CDH20: variants seen among roughly 807,000 people sequenced by gnomAD.
CDH20 encodes cadherin 20.
In CDH20, 29 loss-of-function variants were observed where a neutral mutation model predicts 74.2. That is an observed-to-expected ratio of 0.39 (90% CI 0.29 to 0.53). CDH20 has a LOEUF of 0.53. Among genes scored for constraint, CDH20 ranks in the 20% least tolerant of loss-of-function variants. CDH20 has a pLI of 0.69. For synonymous variants in CDH20, 469 were observed against 405.4 expected (o/e 1.16, Z -1.88); for missense variants, 988 against 1,048.3 (o/e 0.94, Z 0.79).
chr18:61,426,535 CTAAG>C (rs528386672), intron 1 of CDH20, among the ~76,000 whole-genome samples: 125 of 152,256 alleles, frequency 8.2e-4, no homozygotes, highest in African/African-American at 2.8e-3. Flanking sequence ...CCAACAAAAC[CTAAG>C]TAAGGCTCCC....
chr18:61,364,674 C>T (rs200066366), intron 1 of CDH20, among the ~76,000 whole-genome samples: 12 of 152,182 alleles, frequency 7.9e-5, no homozygotes, highest in African/African-American at 2.7e-4. Flanking sequence ...ACCCCTTCCC[C>T]ACCACCTGCT....
intron 1 of CDH20, among the ~76,000 whole-genome samples, chr18:61,354,103 T>A (rs1343069269): frequency 6.6e-6 from 1 of 151,930 alleles, no homozygotes; most frequent in African/African-American, 2.4e-5. Context: ...CTCCATCTCA[T>A]GAGCCACATT....
chr18:61,374,751 G>C (rs1289682588), intron 1 of CDH20, among the ~76,000 whole-genome samples: 1 of 151,998 alleles, frequency 6.6e-6, no homozygotes, highest in East Asian at 1.9e-4. Context: ...TGCAGTTTCA[G>C]ATACAGGTCA....
chr18:61,517,084 T>C (rs139376136), intron 6 of CDH20, among the ~76,000 whole-genome samples: 1 of 152,290 alleles, frequency 6.6e-6, no homozygotes, highest in African/African-American at 2.4e-5. Context: ...ACCTCAATTA[T>C]ACCCCCACAA....
At chr18:61,434,004 G>A (rs1908744367) in intron 1 of CDH20, among the ~76,000 whole-genome samples, 3 of 152,180 alleles carry the variant, frequency 2.0e-5, no homozygotes, top group South Asian at 4.1e-4. Flanking sequence ...GGTCTGGGAT[G>A]GCTGGTATTT....
At chr18:61,344,616 T>A (rs1910057095) in intron 1 of CDH20, among the ~76,000 whole-genome samples, 1 of 152,214 alleles carries the variant, frequency 6.6e-6, no homozygotes, top group South Asian at 2.1e-4. Context: ...TTAACCATGA[T>A]ATCACTTCCT....
intron 1 of CDH20, among the ~76,000 whole-genome samples, chr18:61,359,752 G>A (rs1910626807): frequency 6.6e-6 from 1 of 152,148 alleles, no homozygotes; most frequent in African/African-American, 2.4e-5. Flanking sequence ...GTTCCTTATA[G>A]GTGACCCAAA....
rs1020625077 is a variant in CDH20, at chr18:61,353,946, G to A, written c.-153+20119G>A. Among the ~76,000 whole-genome samples the A allele has an allele frequency of 4.0e-5, 6 of 151,798 alleles. No homozygotes were observed. Among genetic ancestry groups the A allele is most frequent in the Admixed American group, 3.9e-4 (6 of 15,226 alleles). On this transcript the variant is annotated intron_variant, in intron 1 of 11. Coordinates refer to ENST00000262717, the MANE Select transcript of CDH20 (RefSeq NM_031891.4). The surrounding 1 kb of genome is among the most constrained non-coding windows in gnomAD (Gnocchi z 4.6). ...AAAATACAAAATATTAGTTGGGCAT[G>A]GTGGCGTGCACCTGTGGTCCCAGCT...
At chr18:61,456,519 GATAAT>G (rs924950695) in intron 1 of CDH20, among the ~76,000 whole-genome samples, 78 of 152,176 alleles carry the variant, frequency 5.1e-4, no homozygotes, top group African/African-American at 1.8e-3. Context: ...TGGTTAAACA[GATAAT>G]ATAATTACAT....
rs1913378993 is a variant in CDH20, at chr18:61,550,072, G to A, written c.1743G>A (p.Gln581=). ...HLPILIADSG[Q]PVLSSTGTLT... is the part of the protein sequence containing the mutation. ...CTATCCTGATAGCAGATAGCGGGCA[G>A]CCCGTGCTGAGCAGCACAGGCACAC... is the stretch of plus-strand genomic sequence containing the variant. The change falls in exon 11 of 12, where the codon CAG becomes CAA. Residue 581 remains glutamine (Q), a synonymous_variant. Coordinates refer to ENST00000262717, the MANE Select transcript of CDH20 (RefSeq NM_031891.4). 1 of 1,614,220 alleles carries A rather than the reference G, an allele frequency of 6.2e-7. No individual in the cohort carries two copies. Among genetic ancestry groups the A allele is most frequent in the Middle Eastern group, 1.6e-4 (1 of 6,062 alleles).
chr18:61,483,581 T>C (rs78771280), intron 1 of CDH20, among the ~76,000 whole-genome samples: 3,855 of 152,326 alleles, frequency 0.025, 186 homozygotes, highest in East Asian at 0.13. Context: ...TTAATAATGG[T>C]ATGTATACCT....
chr18:61,408,935 A>G (rs1468938288), intron 1 of CDH20, among the ~76,000 whole-genome samples: 7 of 152,350 alleles, frequency 4.6e-5, no homozygotes, highest in African/African-American at 1.4e-4. Context: ...ATGACAGACC[A>G]GACCTTTTTA....
At chr18:61,460,416 G>A (rs546425610) in intron 1 of CDH20, among the ~76,000 whole-genome samples, 1 of 152,140 alleles carries the variant, frequency 6.6e-6, no homozygotes, top group Non-Finnish European at 1.5e-5. Flanking sequence ...TGACAAAAAA[G>A]TAAGAAGCTG....
intron 1 of CDH20, among the ~76,000 whole-genome samples, chr18:61,457,358 G>C (rs539046588): frequency 6.6e-6 from 1 of 152,192 alleles, no homozygotes; most frequent in Admixed American, 6.5e-5. Context: ...CAAAGTGCTT[G>C]TTGTACTATC....
chr18:61,461,219 GA>G (rs1352818629), intron 1 of CDH20, among the ~76,000 whole-genome samples: 1 of 149,030 alleles, frequency 6.7e-6, no homozygotes, highest in Non-Finnish European at 1.5e-5. Context: ...TAAAACTACA[GA>G]ACTCATTCAA....
rs1568123818 is a variant in CDH20 at position 61,396,053 on chromosome 18, T to TGTGTGTGTGTGTGTGTGTG, written c.-153+62226_-153+62227insGTGTGTGTGTGTGTGTGTG. The stretch of plus-strand genomic sequence containing the variant: ...GTGCACTCACAGAGTGTGTGTGTGT[T>TGTGTGTGTGTGTGTGTGTG]TGTGTGTGTGTGTGTGTGTTCATGC... On this transcript the variant is annotated intron_variant, in intron 1 of 11. Coordinates refer to ENST00000262717, the MANE Select transcript of CDH20 (RefSeq NM_031891.4). Among the ~76,000 whole-genome samples the TGTGTGTGTGTGTGTGTGTG allele has an allele frequency of 5.7e-3, 814 of 142,798 alleles. 6 individuals are homozygous for TGTGTGTGTGTGTGTGTGTG. The highest frequency in any genetic ancestry group is 0.024 in the South Asian group (105 of 4,436). 93.7% of individuals were successfully genotyped at this position (142,798 alleles called of 152,430 possible).
intron 1 of CDH20, among the ~76,000 whole-genome samples, chr18:61,396,637 C>T (rs964578762): frequency 3.9e-5 from 6 of 152,204 alleles, no homozygotes; most frequent in African/African-American, 1.2e-4. Context: ...ATACACGCTG[C>T]AGGTGAATTT....
chr18:61,399,320 A>G (rs1912085307), intron 1 of CDH20, among the ~76,000 whole-genome samples: 1 of 152,196 alleles, frequency 6.6e-6, no homozygotes, highest in Admixed American at 6.5e-5. Context: ...AATTCCAGAA[A>G]GTACTCGAGT....
At chr18:61,498,191 G>C (rs905895311) in intron 2 of CDH20, among the ~76,000 whole-genome samples, 1 of 152,078 alleles carries the variant, frequency 6.6e-6, no homozygotes, top group Non-Finnish European at 1.5e-5. Context: ...CCTGAGGTCA[G>C]GAGTTCAAGA....
Sources: gnomAD v4.1 joint callset for allele counts (sites outside exome capture counted in the v4.1 genomes callset) on GRCh38, gnomAD v4.1.1 for gene constraint, Gnocchi (gnomAD v3.1) non-coding constraint, MANE v1.5 for transcripts, NCBI Gene and HGNC (gene_info 2026-07-23, HGNC 2026-07-21) for gene names.